The following SPINK4 variants were observed in gnomAD, a reference collection of about 807,000 sequenced individuals.
The protein encoded by SPINK4 is serine peptidase inhibitor Kazal type 4, also known as serine protease inhibitor Kazal-type 4.
In SPINK4, 10 loss-of-function variants were observed where a neutral mutation model predicts 12.3. The observed-to-expected ratio is 0.81, with a 90% CI of 0.50 to 1.37. SPINK4 has a LOEUF of 1.37. SPINK4 is among the 40% of genes most tolerant of loss of function. The pLI is 0.00. For missense variants in SPINK4, 91 were observed against 109.0 expected (o/e 0.84, Z 0.73); for synonymous variants, 37 against 40.2 (o/e 0.92, Z 0.30).
At chr9:33,246,327 G>A (rs1247789798) in intron 2 of SPINK4, among the ~76,000 whole-genome samples, 3 of 152,118 alleles carry the variant, frequency 2.0e-5, no homozygotes, top group Non-Finnish European at 4.4e-5. Flanking sequence ...CACACACATA[G>A]ACATAAACAC....
At position 33,248,476 on chromosome 9, in the gene SPINK4, A is replaced by G. The variant is rs1356525366; in HGVS notation, c.*5A>G. ...ATGAAAGATGGCAAATGCTGATCCCACAGGAGCACCTCAAGCCATGAAGTG... is the reference window on the plus strand; with the variant it reads ...ATGAAAGATGGCAAATGCTGATCCCGCAGGAGCACCTCAAGCCATGAAGTG... On this transcript the variant is annotated 3_prime_UTR_variant, in exon 4 of 4. Coordinates refer to ENST00000379721, the MANE Select transcript of SPINK4 (RefSeq NM_014471.3). 1.2e-6 allele frequency: 2 copies of G among 1,614,078 alleles called. No individual in the cohort carries two copies. The highest frequency in any genetic ancestry group is 8.5e-7 in the Non-Finnish European group (1 of 1,180,020).
chr9:33,240,490 C>T (rs950163477), intron 1 of SPINK4, among the ~76,000 whole-genome samples: 1 of 152,196 alleles, frequency 6.6e-6, no homozygotes. Flanking sequence ...AGTCCCCTAC[C>T]CTCTTGGGGC....
chr9:33,240,922 G>C (rs932535577), intron 1 of SPINK4, among the ~76,000 whole-genome samples: 4 of 152,198 alleles, frequency 2.6e-5, no homozygotes, highest in Non-Finnish European at 5.9e-5. Flanking sequence ...AGAGGAAAAG[G>C]GGAAAGGCAA....
chr9:33,245,254 C>A, intron 2 of SPINK4, 102 bp downstream of exon 2: 1 of 1,292,170 alleles, frequency 7.7e-7, no homozygotes, highest in Non-Finnish European at 1.1e-6. Context: ...TGCTCAGACA[C>A]CTTCAATGGC....
At chr9:33,246,366 G>C (rs1820284987) in intron 2 of SPINK4, among the ~76,000 whole-genome samples, 1 of 152,064 alleles carries the variant, frequency 6.6e-6, no homozygotes, top group Non-Finnish European at 1.5e-5. Context: ...CTGCACACCG[G>C]GGGCTCCAGA....
chr9:33,245,559 C>T (rs905415982), intron 2 of SPINK4, among the ~76,000 whole-genome samples: 6 of 152,234 alleles, frequency 3.9e-5, no homozygotes, highest in Non-Finnish European at 5.9e-5. Context: ...CCCACCACCA[C>T]ATTCCATCTG....
intron 1 of SPINK4, among the ~76,000 whole-genome samples, chr9:33,242,448 T>C (rs921371692): frequency 3.2e-5 from 4 of 125,856 alleles, no homozygotes; most frequent in African/African-American, 1.7e-4. Flanking sequence ...GGAGGGGACA[T>C]GGCATGAGCC....
At chr9:33,247,378 G>T (rs551032948) in intron 3 of SPINK4, among the ~76,000 whole-genome samples, 1 of 150,604 alleles carries the variant, frequency 6.6e-6, no homozygotes. Flanking sequence ...ATGTTGGCCA[G>T]GCTGGTCTCG....
At chr9:33,245,657 T>G (rs1032619473) in intron 2 of SPINK4, among the ~76,000 whole-genome samples, 1 of 152,222 alleles carries the variant, frequency 6.6e-6, no homozygotes, top group Non-Finnish European at 1.5e-5. Flanking sequence ...GCAGTGGTAC[T>G]GGCATCCTTG....
At chr9:33,245,414 G>T (rs1282437866) in intron 2 of SPINK4, among the ~76,000 whole-genome samples, 3 of 152,008 alleles carry the variant, frequency 2.0e-5, no homozygotes, top group African/African-American at 7.3e-5. Context: ...CCTTCCATCA[G>T]TGAGATCTCC....
chr9:33,248,500 T>C lies in SPINK4; in HGVS notation c.*29T>C, dbSNP rs779985022. ...CACAGGAGCACCTCAAGCCATGAAGTGTCAGCTGGAGAACAGTGGTGGGCA... is the reference window on the plus strand; with the variant it reads ...CACAGGAGCACCTCAAGCCATGAAGCGTCAGCTGGAGAACAGTGGTGGGCA... On this transcript the variant is annotated 3_prime_UTR_variant, in exon 4 of 4. Transcript: ENST00000379721. 6.2e-7 allele frequency: 1 copy of C among 1,613,482 alleles called. No homozygotes were observed. Among genetic ancestry groups the C allele is most frequent in the Non-Finnish European group, 8.5e-7 (1 of 1,179,796 alleles).
chr9:33,247,406 G>T (rs1196953554), intron 3 of SPINK4, among the ~76,000 whole-genome samples: 1 of 150,900 alleles, frequency 6.6e-6, no homozygotes, highest in African/African-American at 2.4e-5. Flanking sequence ...GATCTCAAGT[G>T]ATCCACCCGC....
At chr9:33,244,300 C>A (rs1476525738) in intron 1 of SPINK4, among the ~76,000 whole-genome samples, 1 of 152,222 alleles carries the variant, frequency 6.6e-6, no homozygotes, top group African/African-American at 2.4e-5. Flanking sequence ...GAAAATCCTA[C>A]CTCTGCCTTA....
Position 33,248,480 on chromosome 9 carries a change from G to T in SPINK4, c.*9G>T. ...AAGATGGCAAATGCTGATCCCACAG[G>T]AGCACCTCAAGCCATGAAGTGTCAG... On this transcript the variant is annotated 3_prime_UTR_variant, in exon 4 of 4. Coordinates refer to ENST00000379721, the MANE Select transcript of SPINK4 (RefSeq NM_014471.3). 6.2e-7 allele frequency: 1 copy of T among 1,613,948 alleles called. No individual in the cohort carries two copies. Among genetic ancestry groups the T allele is most frequent in the Non-Finnish European group, 8.5e-7 (1 of 1,179,998 alleles).
chr9:33,244,431 A>T (rs1820267084), intron 1 of SPINK4, among the ~76,000 whole-genome samples: 1 of 152,214 alleles, frequency 6.6e-6, no homozygotes, highest in Non-Finnish European at 1.5e-5. Context: ...TGGGAGTAAC[A>T]TCCATGAAGG....
intron 2 of SPINK4, 33 bp from the exon 3 acceptor site, chr9:33,246,583 C>T (rs770337230): frequency 2.5e-6 from 4 of 1,586,568 alleles, no homozygotes. Context: ...GCCTCTGAAT[C>T]CCTGAGTCCT....
At chr9:33,245,081 A>G in intron 1 of SPINK4, 31 bp from the exon 2 acceptor site, 1 of 1,611,684 alleles carries the variant, frequency 6.2e-7, no homozygotes, top group South Asian at 1.1e-5. Flanking sequence ...TAGAGCCGGC[A>G]TAATCTAATT....
At chr9:33,245,038 A>G in intron 1 of SPINK4, 74 bp from the exon 2 acceptor site, 1 of 1,475,410 alleles carries the variant, frequency 6.8e-7, no homozygotes, top group Non-Finnish European at 9.2e-7. Flanking sequence ...TCCCTGAAGC[A>G]GAAGCAGTCC....
At chr9:33,245,048 C>A in intron 1 of SPINK4, 64 bp from the exon 2 acceptor site, 1 of 1,553,098 alleles carries the variant, frequency 6.4e-7, no homozygotes, top group Non-Finnish European at 8.8e-7. Flanking sequence ...AGAAGCAGTC[C>A]TCAGACCCCT....
Sources: gnomAD v4.1 joint callset for allele counts (sites outside exome capture counted in the v4.1 genomes callset) on GRCh38, gnomAD v4.1.1 for gene constraint, MANE v1.5 for transcripts, NCBI Gene and HGNC (gene_info 2026-07-23, HGNC 2026-07-21) for gene names.